Variants in ERC2 observed in about 807,000 individuals in gnomAD.
ERC2 encodes ELKS/RAB6-interacting/CAST family member 2, also known as ERC protein 2.
In ERC2, 42 loss-of-function variants were observed where a neutral mutation model predicts 114.8. The ratio of observed to expected loss-of-function variants is 0.37; its 90% CI spans 0.29 to 0.47. The LOEUF (loss-of-function observed/expected upper bound fraction) is 0.47, where lower values mean the gene tolerates loss of function less well. Ranked by LOEUF, ERC2 falls within the 20% of genes least tolerant of loss-of-function variation. The pLI, the probability that ERC2 is intolerant of heterozygous loss-of-function variation, is 0.99. For missense variants in ERC2, 939 were observed against 1,150.7 expected, an observed-to-expected ratio of 0.82 and a Z score of 2.66; for synonymous variants, 454 against 425.5, an observed-to-expected ratio of 1.07 and a Z score of -0.82.
intron 4 of ERC2, among the ~76,000 whole-genome samples, chr3:56,164,892 C>A (rs941232868): frequency 6.6e-5 from 10 of 152,058 alleles, no homozygotes; most frequent in Admixed American, 5.9e-4. Flanking sequence ...TGTATGTCTT[C>A]TTTGGAGAAA....
chr3:55,637,758 G>T (rs896186802), intron 17 of ERC2, among the ~76,000 whole-genome samples: 2 of 151,958 alleles, frequency 1.3e-5, no homozygotes, highest in African/African-American at 4.8e-5. Flanking sequence ...CATCGTCACT[G>T]GCACACTGTA....
chr3:55,806,894 C>T (rs77768050), intron 14 of ERC2, among the ~76,000 whole-genome samples: 4,066 of 152,284 alleles, frequency 0.027, 79 homozygotes, highest in Middle Eastern at 0.071. Flanking sequence ...GTAACTACTC[C>T]ACAATGATCA....
At chr3:56,156,226 G>A (rs530876062) in intron 4 of ERC2, among the ~76,000 whole-genome samples, 2 of 152,258 alleles carry the variant, frequency 1.3e-5, no homozygotes, top group African/African-American at 4.8e-5. Context: ...AAAAGTCCTA[G>A]AAAATGAGTG....
intron 10 of ERC2, among the ~76,000 whole-genome samples, chr3:56,001,774 T>C (rs1196267522): frequency 2.0e-5 from 3 of 152,174 alleles, no homozygotes; most frequent in East Asian, 1.9e-4. Flanking sequence ...CCATCTGTCA[T>C]GCACACACCC....
At chr3:56,341,907 A>T (rs962756099) in intron 2 of ERC2, among the ~76,000 whole-genome samples, 1 of 152,148 alleles carries the variant, frequency 6.6e-6, no homozygotes, top group African/African-American at 2.4e-5. Flanking sequence ...TGGGAGGCTT[A>T]TGAAGGTATT....
At chr3:55,894,013 A>C (rs1183529562) in intron 13 of ERC2, among the ~76,000 whole-genome samples, 5 of 152,166 alleles carry the variant, frequency 3.3e-5, no homozygotes, top group Admixed American at 2.6e-4. Flanking sequence ...GGCAAATATG[A>C]AAACACTTAG....
intron 3 of ERC2, among the ~76,000 whole-genome samples, chr3:56,274,212 G>A (rs567502428): frequency 6.6e-6 from 1 of 152,266 alleles, no homozygotes; most frequent in Non-Finnish European, 1.5e-5. Flanking sequence ...TGTGAACTGC[G>A]CATACAAGGG....
At chr3:55,752,903 C>T (rs1015912881) in intron 14 of ERC2, among the ~76,000 whole-genome samples, 17 of 152,286 alleles carry the variant, frequency 1.1e-4, no homozygotes, top group Admixed American at 1.1e-3. Context: ...ATAAGAGGAC[C>T]ACCCCCTCAG....
At chr3:56,159,620 G>C (rs1052183815) in intron 4 of ERC2, among the ~76,000 whole-genome samples, 22 of 152,118 alleles carry the variant, frequency 1.4e-4, no homozygotes, top group African/African-American at 5.3e-4. Flanking sequence ...CAGGCATTAA[G>C]CATAGTACTC....
rs80338232 is a variant in ERC2 at position 56,399,110 on chromosome 3, C to T, written c.657+35241G>A. On this transcript the variant is annotated intron_variant, in intron 2 of 17. Transcript: ENST00000288221. ...CCAGGCAAACAAAATACCTTCCTACCGCAGGGCTCAAACATCATGCTATTC... is the reference window on the plus strand; with the variant it reads ...CCAGGCAAACAAAATACCTTCCTACTGCAGGGCTCAAACATCATGCTATTC... 7.2e-3 allele frequency among the ~76,000 whole-genome samples: 1,104 copies of T among 152,276 alleles called. 14 individuals carry two copies. The highest frequency in any genetic ancestry group is 0.025 in the African/African-American group (1,046 of 41,538).
rs113873658 is a variant in ERC2 at position 56,144,573 on chromosome 3, C to G, written c.1305+4404G>C. ...AAATACCACAGTAGAAAGCCAGTGT[C>G]GGGTTTGGTGTATTGAGAGAGAAAT... On this transcript the variant is annotated intron_variant, in intron 5 of 17. Coordinates refer to ENST00000288221, the MANE Select transcript of ERC2 (RefSeq NM_015576.3). 5.1e-3 allele frequency among the ~76,000 whole-genome samples: 769 copies of G among 152,208 alleles called. 10 individuals carry two copies. Among genetic ancestry groups the G allele is most frequent in the African/African-American group, 0.018 (743 of 41,522 alleles).
At chr3:55,536,347 C>T (rs1034186759) in intron 17 of ERC2, among the ~76,000 whole-genome samples, 4 of 152,168 alleles carry the variant, frequency 2.6e-5, no homozygotes, top group Non-Finnish European at 5.9e-5. Context: ...GCTTCCAAGG[C>T]CCCGTACCTC....
intron 2 of ERC2, among the ~76,000 whole-genome samples, chr3:56,328,222 C>G (rs1298848018): frequency 6.6e-6 from 1 of 152,186 alleles, no homozygotes; most frequent in Admixed American, 6.5e-5. Context: ...TGCTTCCAGT[C>G]TCAGCTGGAA....
intron 1 of ERC2, among the ~76,000 whole-genome samples, chr3:56,463,118 C>T (rs188445517): frequency 1.1e-4 from 16 of 152,224 alleles, no homozygotes; most frequent in Admixed American, 9.8e-4. Flanking sequence ...GTTCCAGCTA[C>T]TGGGAAGACT....
intron 17 of ERC2, among the ~76,000 whole-genome samples, chr3:55,653,802 C>A (rs1233579276): frequency 1.3e-5 from 2 of 152,194 alleles, no homozygotes; most frequent in Non-Finnish European, 2.9e-5. Flanking sequence ...CAGTCCAAGT[C>A]ACTATTGGTG....
chr3:56,313,311 CA>C (rs1198503727), intron 2 of ERC2, among the ~76,000 whole-genome samples: 1 of 151,574 alleles, frequency 6.6e-6, no homozygotes. Context: ...TACTAAAAAT[CA>C]CTGAATTGTA....
intron 13 of ERC2, among the ~76,000 whole-genome samples, chr3:55,949,379 A>T (rs891738368): frequency 7.2e-5 from 11 of 151,862 alleles, no homozygotes; most frequent in Non-Finnish European, 1.6e-4. Context: ...CAAAAAGAAA[A>T]AAAAAAGTTT....
rs145109826 is a variant in ERC2 at position 55,508,812 on chromosome 3, G to A, written c.*2504C>T. ...AAATACAAAATTGAGACTGTACATC[G>A]AAATCAAATGGGGTATAAAGCACAA... is the stretch of plus-strand genomic sequence containing the variant. On this transcript the variant is annotated 3_prime_UTR_variant, in exon 18 of 18. Coordinates refer to ENST00000288221, the MANE Select transcript of ERC2 (RefSeq NM_015576.3). 2.6e-5 allele frequency: 4 copies of A among 152,376 alleles called. No homozygotes were observed. The highest frequency in any genetic ancestry group is 6.6e-5 in the Admixed American group (1 of 15,244). 9.4% of individuals were successfully genotyped at this position (152,376 alleles called of 1,614,324 possible). A position where few individuals can be genotyped will look rare whatever the true frequency, so the allele number is the denominator to read the frequency against.
At chr3:55,726,650 G>A (rs151228187) in intron 15 of ERC2, among the ~76,000 whole-genome samples, 2 of 152,204 alleles carry the variant, frequency 1.3e-5, no homozygotes, top group East Asian at 1.9e-4. Context: ...TATGATTTTC[G>A]GACAACACAG....
Sources: gnomAD v4.1 joint callset for allele counts (sites outside exome capture counted in the v4.1 genomes callset) on GRCh38, gnomAD v4.1.1 for gene constraint, MANE v1.5 for transcripts, NCBI Gene and HGNC (gene_info 2026-07-23, HGNC 2026-07-21) for gene names.